The following KIAA0825 variants were observed in gnomAD, a reference collection of about 807,000 sequenced individuals.
KIAA0825 encodes uncharacterized protein KIAA0825.
A neutral mutation model predicts 147.6 loss-of-function variants in KIAA0825; 119 were observed. The observed-to-expected ratio is 0.81, with a 90% CI of 0.69 to 0.94. KIAA0825 has a LOEUF of 0.94. KIAA0825 is among the 40% of genes least tolerant of loss of function. The probability of loss-of-function intolerance (pLI) is 0.00; values close to 1 mark genes in which losing one functional copy is unlikely to be tolerated. For synonymous variants in KIAA0825, 470 were observed against 518.1 expected, an observed-to-expected ratio of 0.91 and a Z score of 1.26; for missense variants, 1,381 against 1,472.7, an observed-to-expected ratio of 0.94 and a Z score of 1.02.
chr5:94,314,944 G>A (rs972003045), intron 20 of KIAA0825, among the ~76,000 whole-genome samples: 3 of 151,574 alleles, frequency 2.0e-5, no homozygotes, highest in Non-Finnish European at 4.4e-5. Context: ...TGATGTATTC[G>A]TATGTTTAGT....
intron 6 of KIAA0825, among the ~76,000 whole-genome samples, chr5:94,480,580 T>G (rs887996162): frequency 6.6e-6 from 1 of 152,092 alleles, no homozygotes; most frequent in Non-Finnish European, 1.5e-5. Context: ...TCTGCTATTG[T>G]GTAGCTATAG....
chr5:94,498,101 C>A (rs1460454654), intron 5 of KIAA0825, among the ~76,000 whole-genome samples: 1 of 152,184 alleles, frequency 6.6e-6, no homozygotes, highest in Non-Finnish European at 1.5e-5. Context: ...TTAAACACTT[C>A]TATCAAGTTA....
intron 20 of KIAA0825, among the ~76,000 whole-genome samples, chr5:94,322,207 T>C (rs1223053281): frequency 6.6e-6 from 1 of 151,964 alleles, no homozygotes; most frequent in Non-Finnish European, 1.5e-5. Context: ...CACAGAATAA[T>C]ACAGATGTAC....
chr5:94,316,889 C>T (rs898859140), intron 20 of KIAA0825, among the ~76,000 whole-genome samples: 10 of 151,670 alleles, frequency 6.6e-5, no homozygotes, highest in African/African-American at 2.4e-4. Context: ...AAAGAACCAC[C>T]AGCAATTGGT....
intron 20 of KIAA0825, among the ~76,000 whole-genome samples, chr5:94,306,085 A>G (rs1160053012): frequency 6.6e-6 from 1 of 151,908 alleles, no homozygotes; most frequent in East Asian, 1.9e-4. Flanking sequence ...AAAACAAAAT[A>G]ATGAATAAAA....
chr5:94,524,144 T>C, intron 3 of KIAA0825, 46 bp from the exon 4 acceptor site: 3 of 1,290,372 alleles, frequency 2.3e-6, no homozygotes, highest in Admixed American at 4.2e-5. Flanking sequence ...ATATAGATAA[T>C]GGCTTCATTT....
intron 5 of KIAA0825, among the ~76,000 whole-genome samples, chr5:94,507,285 T>C (rs1050126918): frequency 6.6e-6 from 1 of 152,038 alleles, no homozygotes; most frequent in African/African-American, 2.4e-5. Context: ...CCATCACTGC[T>C]AAAATACAAA....
rs919730435 is a variant in KIAA0825, at chr5:94,370,912, AAAAACAAAAC to A, written c.3710+13446_3710+13455del. On this transcript the variant is annotated intron_variant, in intron 20 of 20. Coordinates refer to ENST00000682413, the MANE Select transcript of KIAA0825 (RefSeq NM_001145678.3). The stretch of plus-strand genomic sequence containing the variant: ...GCGACAGAGGGAGACTCTGTCTCAA[AAAAACAAAAC>A]AAAACAAAACAAAACAAAAAAACGT... 7.4e-4 allele frequency among the ~76,000 whole-genome samples: 113 copies of A among 152,206 alleles called. No individual in the cohort carries two copies. In the Middle Eastern group the frequency reaches 0.017, roughly 23 times the overall value.
chr5:94,408,515 T>TTGTGTGTG (rs3050853), intron 15 of KIAA0825, among the ~76,000 whole-genome samples: 10 of 147,300 alleles, frequency 6.8e-5, no homozygotes, highest in Admixed American at 2.0e-4. Flanking sequence ...CTCAGCTAAT[T>TTGTGTGTG]TGTGTGTGTG....
intron 1 of KIAA0825, among the ~76,000 whole-genome samples, chr5:94,609,568 A>G (rs1454025976): frequency 1.3e-5 from 2 of 152,212 alleles, no homozygotes; most frequent in Non-Finnish European, 2.9e-5. Context: ...ATAACTGCTG[A>G]GTTAGACAAA....
At chr5:94,605,667 C>A (rs1316578725) in intron 1 of KIAA0825, among the ~76,000 whole-genome samples, 3 of 152,166 alleles carry the variant, frequency 2.0e-5, no homozygotes. Context: ...ACAAAAACCA[C>A]ATGATTATCT....
intron 1 of KIAA0825, among the ~76,000 whole-genome samples, chr5:94,607,257 T>C (rs1258970972): frequency 6.6e-6 from 1 of 152,074 alleles, no homozygotes; most frequent in Non-Finnish European, 1.5e-5. Context: ...AAACTATTTT[T>C]ATAACAACAA....
At chr5:94,255,204 C>T (rs954274575) in intron 20 of KIAA0825, among the ~76,000 whole-genome samples, 12 of 150,948 alleles carry the variant, frequency 7.9e-5, no homozygotes, top group East Asian at 1.9e-4. Context: ...GTGGACCCTA[C>T]GGAAAGGGTA....
chr5:94,423,667 TCAGGGACTCTGAATTAAC>T (rs1754486221), intron 14 of KIAA0825, among the ~76,000 whole-genome samples: 1 of 152,184 alleles, frequency 6.6e-6, no homozygotes, highest in South Asian at 2.1e-4. Flanking sequence ...TGCCATGAGC[TCAGGGACTCTGAATTAAC>T]CAGGCACTAA....
intron 20 of KIAA0825, among the ~76,000 whole-genome samples, chr5:94,200,057 G>T (rs1471061351): frequency 6.6e-6 from 1 of 152,178 alleles, no homozygotes; most frequent in Non-Finnish European, 1.5e-5. Flanking sequence ...ACCTAGAGAA[G>T]AGTGGTGAGC....
At chr5:94,469,347 T>C (rs1383029786) in intron 10 of KIAA0825, among the ~76,000 whole-genome samples, 1 of 152,112 alleles carries the variant, frequency 6.6e-6, no homozygotes, top group East Asian at 1.9e-4. Flanking sequence ...ACTTTTTGTA[T>C]TTCTACTAGA....
At chr5:94,369,041 C>T (rs942284784) in intron 20 of KIAA0825, among the ~76,000 whole-genome samples, 1 of 151,950 alleles carries the variant, frequency 6.6e-6, no homozygotes, top group African/African-American at 2.4e-5. Context: ...GCCTGTAGTC[C>T]CAGCTATTCA....
At chr5:94,582,751 A>G (rs1782438008) in intron 1 of KIAA0825, among the ~76,000 whole-genome samples, 168 bp from the exon 2 acceptor site, 1 of 152,218 alleles carries the variant, frequency 6.6e-6, no homozygotes, top group Non-Finnish European at 1.5e-5. Context: ...TGAAGATTAC[A>G]TACATAAGAA....
chr5:94,322,380 G>A (rs1368354998), intron 20 of KIAA0825, among the ~76,000 whole-genome samples: 1 of 151,724 alleles, frequency 6.6e-6, no homozygotes, highest in Non-Finnish European at 1.5e-5. Context: ...ATAGGGCAAA[G>A]GGTCCCCAGA....
Sources: gnomAD v4.1 joint callset for allele counts (sites outside exome capture counted in the v4.1 genomes callset) on GRCh38, gnomAD v4.1.1 for gene constraint, MANE v1.5 for transcripts, NCBI Gene and HGNC (gene_info 2026-07-23, HGNC 2026-07-21) for gene names.